Variants in NOL4 observed in about 807,000 individuals in gnomAD.
NOL4 encodes nucleolar protein 4, also known as cancer/testis antigen 125.
In NOL4, 17 loss-of-function variants were observed where a neutral mutation model predicts 75.9. The ratio of observed to expected loss-of-function variants is 0.22; its 90% confidence interval spans 0.15 to 0.34. The LOEUF (loss-of-function observed/expected upper bound fraction) is 0.34, where lower values mean the gene tolerates loss of function less well. Among genes scored for constraint, NOL4 ranks in the 10% least tolerant of loss-of-function variants. NOL4 has a pLI of 1.00. For synonymous variants in NOL4, 292 were observed against 289.9 expected (o/e 1.01, Z -0.07); for missense variants, 614 against 793.5 (o/e 0.77, Z 2.72).
intron 5 of NOL4, among the ~76,000 whole-genome samples, chr18:34,065,619 T>C (rs1273248483): frequency 4.6e-5 from 7 of 151,984 alleles, no homozygotes; most frequent in Non-Finnish European, 1.0e-4. Context: ...AAAACATTTT[T>C]AAATGGATTT....
intron 1 of NOL4, among the ~76,000 whole-genome samples, chr18:34,219,121 T>C (rs2037117845): frequency 6.6e-6 from 1 of 152,230 alleles, no homozygotes; most frequent in Admixed American, 6.5e-5. Flanking sequence ...TAAATCATCA[T>C]TTGTAAATAG....
chr18:34,160,989 A>T (rs1416728121), intron 1 of NOL4, among the ~76,000 whole-genome samples: 1 of 152,040 alleles, frequency 6.6e-6, no homozygotes, highest in South Asian at 2.1e-4. Flanking sequence ...TCACCCTTTC[A>T]TCCTGTAGTT....
intron 9 of NOL4, among the ~76,000 whole-genome samples, chr18:33,936,902 T>A (rs2068095079): frequency 6.6e-6 from 1 of 152,046 alleles, no homozygotes. Context: ...TCCCTCTTAC[T>A]TTTTGCCTCT....
At chr18:33,901,047 G>T (rs1039194898) in intron 9 of NOL4, among the ~76,000 whole-genome samples, 1 of 152,052 alleles carries the variant, frequency 6.6e-6, no homozygotes. Flanking sequence ...GGTATCTTTG[G>T]TAAATAAAAA....
chr18:34,222,497 A>G (rs1161203500), intron 1 of NOL4: 1 of 964,986 alleles, frequency 1.0e-6, no homozygotes, highest in African/African-American at 1.8e-5. Flanking sequence ...GGAAAACCCC[A>G]CATCCACCGC....
chr18:34,060,557 A>C (rs1053085875), intron 5 of NOL4, among the ~76,000 whole-genome samples: 25 of 152,240 alleles, frequency 1.6e-4, no homozygotes, highest in African/African-American at 4.8e-4. Flanking sequence ...CCCATTATTG[A>C]AATATAAGTT....
At position 34,207,327 on chromosome 18, in the gene NOL4, GA is replaced by G. The variant is rs1007259555; in HGVS notation, c.264+15662del. On this transcript the variant is annotated intron_variant, in intron 1 of 10. Transcript: ENST00000261592. ...CTCTTAGTCTTGTTAAAATCCTCCA[GA>G]AAAAAAATATTATATTTGGATAGCA... Among the ~76,000 whole-genome samples, 1,188 of 151,796 alleles carry G rather than the reference GA, an allele frequency of 7.8e-3. 18 individuals are homozygous for G. Among genetic ancestry groups the G allele is most frequent in the African/African-American group, 0.024 (983 of 41,412 alleles).
chr18:33,912,772 G>T (rs2066485876), intron 9 of NOL4, among the ~76,000 whole-genome samples: 1 of 151,984 alleles, frequency 6.6e-6, no homozygotes, highest in Non-Finnish European at 1.5e-5. Flanking sequence ...GACCTAAGAT[G>T]ACATTATAAA....
chr18:34,056,086 G>T (rs1193477293), intron 5 of NOL4, among the ~76,000 whole-genome samples: 1 of 152,026 alleles, frequency 6.6e-6, no homozygotes, highest in Non-Finnish European at 1.5e-5. Context: ...ATTTAAAATA[G>T]TTGTTTTTAA....
intron 6 of NOL4, among the ~76,000 whole-genome samples, chr18:33,970,858 G>A (rs1189282521): frequency 6.6e-6 from 1 of 151,962 alleles, no homozygotes; most frequent in Non-Finnish European, 1.5e-5. Flanking sequence ...AGAGAAATTC[G>A]ATAGGTGAGA....
chr18:34,189,918 A>C (rs2034783473), intron 1 of NOL4, among the ~76,000 whole-genome samples: 2 of 151,792 alleles, frequency 1.3e-5, no homozygotes, highest in African/African-American at 4.8e-5. Flanking sequence ...TTTCCATCTA[A>C]ACTTCATACT....
intron 6 of NOL4, among the ~76,000 whole-genome samples, chr18:34,013,468 T>A (rs2074495115): frequency 6.6e-6 from 1 of 151,954 alleles, no homozygotes; most frequent in African/African-American, 2.4e-5. Context: ...AAGTGATTCC[T>A]TGTCAACTAA....
chr18:33,917,010 T>C (rs2066757803), intron 9 of NOL4, among the ~76,000 whole-genome samples: 1 of 152,232 alleles, frequency 6.6e-6, no homozygotes, highest in African/African-American at 2.4e-5. Context: ...TTGATGGGAT[T>C]TGTTCTGTTT....
chr18:33,883,208 A>C, intron 10 of NOL4, 36 bp downstream of exon 10: 1 of 1,478,040 alleles, frequency 6.8e-7, no homozygotes, highest in Non-Finnish European at 9.1e-7. Flanking sequence ...AAGTATAATA[A>C]TTAAAAAAAA....
intron 6 of NOL4, among the ~76,000 whole-genome samples, chr18:33,976,757 C>T (rs954665409): frequency 1.3e-5 from 2 of 152,036 alleles, no homozygotes; most frequent in African/African-American, 2.4e-5. Context: ...AGAGGTGAGC[C>T]TTGAAGGTGA....
chr18:34,140,417 C>T (rs1307693281), intron 1 of NOL4, among the ~76,000 whole-genome samples: 1 of 152,058 alleles, frequency 6.6e-6, no homozygotes, highest in Non-Finnish European at 1.5e-5. Flanking sequence ...TGAATTGATC[C>T]CTTTACCATT....
chr18:34,177,853 G>C (rs2033684249), intron 1 of NOL4, among the ~76,000 whole-genome samples: 1 of 151,786 alleles, frequency 6.6e-6, no homozygotes, highest in African/African-American at 2.4e-5. Context: ...TAAAAGAAAT[G>C]ATGAAGGAAT....
intron 9 of NOL4, 25 bp downstream of exon 9, chr18:33,943,038 TCA>T: frequency 6.9e-7 from 1 of 1,439,870 alleles, no homozygotes; most frequent in Non-Finnish European, 9.8e-7. Context: ...TAGCTGGTGT[TCA>T]CCAGACTTCA....
intron 5 of NOL4, among the ~76,000 whole-genome samples, chr18:34,042,756 T>G (rs2076195357): frequency 6.6e-6 from 1 of 152,090 alleles, no homozygotes; most frequent in Non-Finnish European, 1.5e-5. Context: ...AGAAATCTCA[T>G]GTGCTAAAGC....
Sources: gnomAD v4.1 joint callset for allele counts (sites outside exome capture counted in the v4.1 genomes callset) on GRCh38, gnomAD v4.1.1 for gene constraint, MANE v1.5 for transcripts, NCBI Gene and HGNC (gene_info 2026-07-23, HGNC 2026-07-21) for gene names.